Variants in TNFRSF8 observed in about 807,000 individuals in gnomAD.
TNFRSF8 encodes TNF receptor superfamily member 8, also known as tumor necrosis factor receptor superfamily member 8.
Under a neutral mutation model 70.8 loss-of-function variants are expected in TNFRSF8, and 26 were observed. The observed-to-expected ratio is 0.37, with a 90% CI of 0.27 to 0.51. The LOEUF (loss-of-function observed/expected upper bound fraction) is 0.51. TNFRSF8 is among the 20% of genes least tolerant of loss of function. TNFRSF8 has a pLI of 0.94. For synonymous variants in TNFRSF8, 356 were observed against 339.2 expected (o/e 1.05, Z -0.54); for missense variants, 720 against 807.9 (o/e 0.89, Z 1.32).
At position 12,126,211 on chromosome 1, in the gene TNFRSF8, C is replaced by G. The variant is rs762898424; in HGVS notation, c.1284C>G (p.Thr428=). ...TCCACCTGTGCTACCCGGTCCAGAC[C>G]TCCCAGCCCAAGCTAGAGCTTGTGG... ...QKLHLCYPVQ[T]SQPKLELVDS... is the part of the protein sequence containing the mutation. The change falls in exon 12 of 15, where the codon ACC becomes ACG. Residue 428 remains threonine (T), a synonymous_variant. Coordinates refer to ENST00000263932, the MANE Select transcript of TNFRSF8 (RefSeq NM_001243.5). 6.2e-7 allele frequency: 1 copy of G among 1,614,190 alleles called. No individual in the cohort carries two copies. Among genetic ancestry groups the G allele is most frequent in the South Asian group, 1.1e-5 (1 of 91,086 alleles).
chr1:12,089,651 G>A (rs1175921177), intron 2 of TNFRSF8, among the ~76,000 whole-genome samples: 1 of 152,156 alleles, frequency 6.6e-6, no homozygotes, highest in Non-Finnish European at 1.5e-5. Flanking sequence ...GAAGGACAAG[G>A]TCCTGCCTCC....
intron 1 of TNFRSF8, among the ~76,000 whole-genome samples, chr1:12,075,406 T>TC (rs1407307419): frequency 9.2e-5 from 14 of 152,146 alleles, no homozygotes; most frequent in Admixed American, 8.5e-4. Context: ...TATCATCTGT[T>TC]ACCATCCGGT....
chr1:12,123,439 C>T, intron 9 of TNFRSF8, 62 bp downstream of exon 9: 2 of 1,466,228 alleles, frequency 1.4e-6, no homozygotes, highest in Non-Finnish European at 1.9e-6. Context: ...CCTGCCATGC[C>T]CAGGGGATGC....
intron 12 of TNFRSF8, among the ~76,000 whole-genome samples, chr1:12,133,738 CAA>C (rs34040378): frequency 0.024 from 2,143 of 90,776 alleles, 48 homozygotes; most frequent in African/African-American, 0.07. Context: ...GACTCCATCT[CAA>C]AAAAAAAAAA....
At chr1:12,114,597 T>C (rs1367290704) in intron 7 of TNFRSF8, among the ~76,000 whole-genome samples, 1 of 151,958 alleles carries the variant, frequency 6.6e-6, no homozygotes, top group African/African-American at 2.4e-5. Context: ...AAGTGGAGCG[T>C]TGCAAAATAT....
chr1:12,077,319 A>G (rs1220079487), intron 1 of TNFRSF8, among the ~76,000 whole-genome samples: 1 of 152,218 alleles, frequency 6.6e-6, no homozygotes, highest in African/African-American at 2.4e-5. Flanking sequence ...ATCTAATCAC[A>G]GGAGTCCTTA....
At chr1:12,115,912 C>T (rs1392960161) in intron 8 of TNFRSF8, among the ~76,000 whole-genome samples, 183 bp downstream of exon 8, 2 of 152,128 alleles carry the variant, frequency 1.3e-5, no homozygotes, top group Admixed American at 6.6e-5. Context: ...ATGATAAAAT[C>T]CAGTTTTAGC....
At chr1:12,107,034 T>A (rs1641537647) in intron 4 of TNFRSF8, among the ~76,000 whole-genome samples, 1 of 152,208 alleles carries the variant, frequency 6.6e-6, no homozygotes, top group Non-Finnish European at 1.5e-5. Context: ...GGCCTCCCTT[T>A]GCTGCCCCTG....
At chr1:12,118,726 C>T (rs902913004) in intron 8 of TNFRSF8, among the ~76,000 whole-genome samples, 22 of 152,328 alleles carry the variant, frequency 1.4e-4, no homozygotes, top group African/African-American at 5.3e-4. Flanking sequence ...CCTTTCCATC[C>T]CTGCCCTGCC....
intron 1 of TNFRSF8, among the ~76,000 whole-genome samples, chr1:12,078,919 GTCTGGGGT>G (rs1468964021): frequency 2.6e-5 from 4 of 152,228 alleles, no homozygotes; most frequent in African/African-American, 9.6e-5. Context: ...AATTAGGGAG[GTCTGGGGT>G]TCTGCATTTT....
intron 10 of TNFRSF8, among the ~76,000 whole-genome samples, chr1:12,125,650 C>T (rs754589553): frequency 1.3e-5 from 2 of 152,228 alleles, no homozygotes; most frequent in Non-Finnish European, 2.9e-5. Context: ...ACCGGGCCCT[C>T]GTCCACAGTC....
chr1:12,133,738 CAAA>C (rs34040378), intron 12 of TNFRSF8, among the ~76,000 whole-genome samples: 57,062 of 89,910 alleles, frequency 0.63, 15,850 homozygotes, highest in East Asian at 0.74. Flanking sequence ...GACTCCATCT[CAAA>C]AAAAAAAAAA....
At chr1:12,103,846 C>A (rs1641468107) in intron 3 of TNFRSF8, among the ~76,000 whole-genome samples, 2 of 152,216 alleles carry the variant, frequency 1.3e-5, no homozygotes, top group African/African-American at 2.4e-5. Context: ...GCATTGATGA[C>A]CTGATAATGA....
At position 12,077,236 on chromosome 1, in the gene TNFRSF8, A is replaced by G. The variant is rs578145211; in HGVS notation, c.64-7228A>G. Among the ~76,000 whole-genome samples the G allele has an allele frequency of 4.6e-5, 7 of 152,298 alleles. No homozygotes were observed. The South Asian group carries it at 1.5e-3, about 32-fold the overall frequency. ...ACTTCGCCTGGCCAAATGTCCACACATTCTAATCCTTGAAACCTGATACTA... is the reference window on the plus strand; with the variant it reads ...ACTTCGCCTGGCCAAATGTCCACACGTTCTAATCCTTGAAACCTGATACTA... On this transcript the variant is annotated intron_variant, in intron 1 of 14. Coordinates refer to ENST00000263932, the MANE Select transcript of TNFRSF8 (RefSeq NM_001243.5).
chr1:12,115,656 A>G lies in TNFRSF8; in HGVS notation c.873A>G (p.Thr291=), dbSNP rs1641714361. 1 of 1,614,184 alleles carries G rather than the reference A, an allele frequency of 6.2e-7. No homozygotes were observed. Among genetic ancestry groups the G allele is most frequent in the African/African-American group, 1.3e-5 (1 of 75,028 alleles). ...CECRPGMICA[T]SATNSCARCV... ...GTCGACCTGGCATGATCTGTGCCAC[A>G]TCAGCCACCAACTCCTGTGCCCGCT... Residue 291 remains threonine (T), a synonymous_variant, in exon 8 of 15, where the codon ACA becomes ACG. Transcript: ENST00000263932.
intron 12 of TNFRSF8, 51 bp from the exon 13 acceptor site, chr1:12,135,537 G>A (rs545954543): frequency 1.9e-5 from 31 of 1,606,884 alleles, no homozygotes; most frequent in Non-Finnish European, 2.4e-5. Context: ...GGCGGGTGGG[G>A]CCGGGGGCTG....
chr1:12,140,902 C>T (rs1274115781), intron 14 of TNFRSF8, among the ~76,000 whole-genome samples: 1 of 152,064 alleles, frequency 6.6e-6, no homozygotes, highest in Non-Finnish European at 1.5e-5. Context: ...ACCCCCGGCC[C>T]CCATCTTTTG....
chr1:12,120,292 G>A (rs1258403049), intron 8 of TNFRSF8, among the ~76,000 whole-genome samples: 1 of 152,164 alleles, frequency 6.6e-6, no homozygotes, highest in Admixed American at 6.5e-5. Flanking sequence ...GAATGATGTG[G>A]TATAGACCAG....
At chr1:12,129,748 G>T (rs973359005) in intron 12 of TNFRSF8, among the ~76,000 whole-genome samples, 3 of 152,080 alleles carry the variant, frequency 2.0e-5, no homozygotes, top group Non-Finnish European at 4.4e-5. Context: ...TCCCTTTCCT[G>T]GTGCTGTGTA....
Sources: gnomAD v4.1 joint callset for allele counts (sites outside exome capture counted in the v4.1 genomes callset) on GRCh38, gnomAD v4.1.1 for gene constraint, MANE v1.5 for transcripts, NCBI Gene and HGNC (gene_info 2026-07-23, HGNC 2026-07-21) for gene names.